The following ZNF385D variants were observed in gnomAD, a reference collection of about 807,000 sequenced individuals.
The protein encoded by ZNF385D is zinc finger protein 385D, also known as zinc finger protein 659.
In ZNF385D, 15 loss-of-function variants were observed where a neutral mutation model predicts 35.8. The observed-to-expected ratio is 0.42, with a 90% confidence interval of 0.28 to 0.64. The LOEUF (loss-of-function observed/expected upper bound fraction) is 0.64, where lower values mean the gene tolerates loss of function less well. Among genes scored for constraint, ZNF385D ranks in the 30% least tolerant of loss-of-function variants. ZNF385D has a pLI of 0.23. For missense variants in ZNF385D, 474 were observed against 494.6 expected (o/e 0.96, Z 0.39); for synonymous variants, 212 against 186.8 (o/e 1.13, Z -1.10).
intron 2 of ZNF385D, among the ~76,000 whole-genome samples, chr3:22,218,471 G>A (rs1003452917): frequency 2.0e-5 from 3 of 151,842 alleles, no homozygotes; most frequent in Non-Finnish European, 4.4e-5. Flanking sequence ...ATATATATGT[G>A]TGTATATGTG....
chr3:21,946,644 T>G (rs1011936277), intron 3 of ZNF385D, among the ~76,000 whole-genome samples: 3 of 151,972 alleles, frequency 2.0e-5, no homozygotes, highest in Non-Finnish European at 2.9e-5. Flanking sequence ...CCAGCCTGGC[T>G]AACAAGGTGA....
intron 2 of ZNF385D, among the ~76,000 whole-genome samples, chr3:22,196,295 C>T (rs1322556826): frequency 6.6e-6 from 1 of 152,020 alleles, no homozygotes; most frequent in Non-Finnish European, 1.5e-5. Flanking sequence ...TTGTTTTGTT[C>T]AGCATTTCAC....
chr3:22,075,459 T>C (rs1009498547), intron 3 of ZNF385D, among the ~76,000 whole-genome samples: 3 of 151,878 alleles, frequency 2.0e-5, no homozygotes, highest in African/African-American at 7.2e-5. Context: ...CAGAGCCAAA[T>C]GATGATTCTC....
intron 3 of ZNF385D, among the ~76,000 whole-genome samples, chr3:21,954,674 TAA>T (rs1185693126): frequency 6.6e-6 from 1 of 152,132 alleles, no homozygotes; most frequent in African/African-American, 2.4e-5. Context: ...TAACTGAAGG[TAA>T]AACATTATTT....
intron 2 of ZNF385D, among the ~76,000 whole-genome samples, chr3:21,625,097 G>A (rs993397813): frequency 6.6e-6 from 1 of 151,936 alleles, no homozygotes; most frequent in Non-Finnish European, 1.5e-5. Context: ...GATCAAAATT[G>A]ACTTTCGGAA....
chr3:22,072,962 C>A (rs1478338668), intron 3 of ZNF385D, among the ~76,000 whole-genome samples: 4 of 152,000 alleles, frequency 2.6e-5, no homozygotes, highest in Non-Finnish European at 2.9e-5. Context: ...GGGAGGCCAC[C>A]TTGACTGGAT....
intron 2 of ZNF385D, among the ~76,000 whole-genome samples, chr3:22,178,656 C>T (rs77022255): frequency 0.01 from 1,587 of 152,080 alleles, 34 homozygotes; most frequent in East Asian, 0.1. Context: ...AAGTCCTTGC[C>T]CCCCATGCCT....
At chr3:22,371,700 G>T (rs1696912766) in intron 2 of ZNF385D, among the ~76,000 whole-genome samples, 1 of 152,154 alleles carries the variant, frequency 6.6e-6, no homozygotes, top group African/African-American at 2.4e-5. Context: ...ACACAACTCT[G>T]TGCTCTCTTC....
chr3:21,738,045 T>A (rs191477138), intron 1 of ZNF385D, among the ~76,000 whole-genome samples: 1 of 152,348 alleles, frequency 6.6e-6, no homozygotes, highest in East Asian at 1.9e-4. Context: ...TCCAGCCCTG[T>A]GCAGACTTCC....
intron 5 of ZNF385D, among the ~76,000 whole-genome samples, chr3:21,430,207 T>C (rs948548479): frequency 2.0e-5 from 3 of 152,044 alleles, no homozygotes; most frequent in Non-Finnish European, 2.9e-5. Context: ...TGGAATGGCA[T>C]CTAGGTATCA....
intron 3 of ZNF385D, among the ~76,000 whole-genome samples, chr3:22,168,148 T>A (rs149193963): frequency 2.0e-5 from 3 of 152,282 alleles, no homozygotes; most frequent in East Asian, 1.9e-4. Context: ...GTAACTCAAG[T>A]TGCAGTGAGT....
In ZNF385D at chr3:21,511,132, T is replaced by C. The variant is rs193020739; in HGVS notation, c.277-109A>G. The C allele has an allele frequency of 2.9e-5, 41 of 1,390,462 alleles. No homozygotes were observed. In the African/African-American group the frequency reaches 5.7e-4, roughly 19 times the overall value. The allele number at this position is 1,390,462 out of a possible 1,614,324, so 86.1% of individuals were successfully genotyped here. On this transcript the variant is annotated intron_variant, in intron 3 of 7. Transcript: ENST00000281523. ...TTTCAATAACAGGTACCATTCGAGC[T>C]AATTCTGGCCGTGGCCAGACAGTGG...
At chr3:21,992,703 T>C (rs925522509) in intron 3 of ZNF385D, among the ~76,000 whole-genome samples, 1 of 152,196 alleles carries the variant, frequency 6.6e-6, no homozygotes, top group Non-Finnish European at 1.5e-5. Flanking sequence ...AGTCATTACA[T>C]TTTCTTCACA....
intron 2 of ZNF385D, among the ~76,000 whole-genome samples, chr3:22,358,743 G>T (rs1329435487): frequency 6.6e-6 from 1 of 151,710 alleles, no homozygotes; most frequent in Non-Finnish European, 1.5e-5. Flanking sequence ...ATGTGGAGCA[G>T]GCATTGGACA....
At chr3:22,120,592 G>C (rs1393673155) in intron 3 of ZNF385D, among the ~76,000 whole-genome samples, 2 of 152,052 alleles carry the variant, frequency 1.3e-5, no homozygotes, top group Non-Finnish European at 2.9e-5. Flanking sequence ...ACCATAGTCT[G>C]AATTCCATCT....
At chr3:22,166,994 G>C (rs1467248124) in intron 3 of ZNF385D, among the ~76,000 whole-genome samples, 1 of 152,230 alleles carries the variant, frequency 6.6e-6, no homozygotes, top group African/African-American at 2.4e-5. Flanking sequence ...TCTAAGTAGA[G>C]ACTGAAATAT....
At chr3:22,245,540 C>T (rs1285644953) in intron 2 of ZNF385D, among the ~76,000 whole-genome samples, 1 of 151,024 alleles carries the variant, frequency 6.6e-6, no homozygotes, top group Non-Finnish European at 1.5e-5. Flanking sequence ...TTTCCTATTC[C>T]TATTTGATTC....
At chr3:21,911,140 A>G (rs1405050268) in intron 3 of ZNF385D, among the ~76,000 whole-genome samples, 1 of 151,964 alleles carries the variant, frequency 6.6e-6, no homozygotes, top group African/African-American at 2.4e-5. Flanking sequence ...AAAATGCAAA[A>G]TAGATCTGTA....
intron 6 of ZNF385D, among the ~76,000 whole-genome samples, chr3:21,425,068 GA>G (rs1310489186): frequency 6.6e-6 from 1 of 152,032 alleles, no homozygotes; most frequent in Admixed American, 6.6e-5. Flanking sequence ...TAAAATGAAA[GA>G]ATAGCTCAGT....
Sources: allele counts gnomAD v4.1 joint callset (sites outside exome capture counted in the v4.1 genomes callset), GRCh38; gene constraint gnomAD v4.1.1; transcripts MANE v1.5; gene names NCBI Gene and HGNC (gene_info 2026-07-23, HGNC 2026-07-21).